HELZ: variants seen among roughly 807,000 people sequenced by gnomAD.
HELZ encodes helicase with zinc finger, also known as ATP-dependent RNA helicase with zinc finger domain.
HELZ carries 23 observed loss-of-function variants against 218.2 expected under a neutral mutation model. The ratio of observed to expected loss-of-function variants is 0.11; its 90% CI spans 0.08 to 0.15. HELZ has a LOEUF of 0.15. Among genes scored for constraint, HELZ ranks in the 10% least tolerant of loss-of-function variants. HELZ has a pLI of 1.00. For synonymous variants in HELZ, 814 were observed against 829.4 expected (o/e 0.98, Z 0.32); for missense variants, 1,813 against 2,353.7 (o/e 0.77, Z 4.75).
intron 27 of HELZ, chr17:67,120,090 G>C (rs535282041): frequency 2.9e-6 from 1 of 341,846 alleles, no homozygotes; most frequent in African/African-American, 2.6e-5. Flanking sequence ...TGCAAACTCC[G>C]CCTCCCAGGT....
intron 3 of HELZ, among the ~76,000 whole-genome samples, chr17:67,230,595 C>CAAA (rs376918246): frequency 0.062 from 6,891 of 111,136 alleles, 1,048 homozygotes; most frequent in African/African-American, 0.24. Context: ...GACTCCATCT[C>CAAA]AAAAAAAAAA....
At chr17:67,139,248 T>C (rs2038247222) in intron 21 of HELZ, among the ~76,000 whole-genome samples, 2 of 152,146 alleles carry the variant, frequency 1.3e-5, no homozygotes. Flanking sequence ...GTTATTATGA[T>C]ACAGCAGCAA....
At chr17:67,183,852 C>T (rs1170719132) in intron 12 of HELZ, among the ~76,000 whole-genome samples, 1 of 149,936 alleles carries the variant, frequency 6.7e-6, no homozygotes, top group African/African-American at 2.5e-5. Context: ...ATCTCCCCAA[C>T]AAGGGAAAAA....
chr17:67,203,252 C>T (rs2040214164), intron 6 of HELZ, 67 bp downstream of exon 6: 4 of 1,528,242 alleles, frequency 2.6e-6, no homozygotes, highest in African/African-American at 2.8e-5. Context: ...TTTTTCCCCA[C>T]AATATACCTA....
chr17:67,177,787 C>G (rs1362478549), intron 13 of HELZ, among the ~76,000 whole-genome samples: 1 of 152,006 alleles, frequency 6.6e-6, no homozygotes, highest in Non-Finnish European at 1.5e-5. Flanking sequence ...TAGATCATAA[C>G]TAATCTATAA....
chr17:67,191,985 C>A (rs1280577135), intron 9 of HELZ, among the ~76,000 whole-genome samples: 3 of 151,760 alleles, frequency 2.0e-5, no homozygotes, highest in Non-Finnish European at 4.4e-5. Flanking sequence ...AGGCGCATCA[C>A]CTGAGGTCGG....
chr17:67,077,052 G>C lies in HELZ; in HGVS notation c.*1200C>G, dbSNP rs2036036038. The stretch of plus-strand genomic sequence containing the variant: ...TTTAGATGGTAGAATATTTAAGATG[G>C]CTATTTAAATTTTATATTGTGTACA... On this transcript the variant is annotated 3_prime_UTR_variant, in exon 33 of 33. Coordinates refer to ENST00000358691, the MANE Select transcript of HELZ (RefSeq NM_014877.4). 6.6e-6 allele frequency: 1 copy of C among 152,028 alleles called. No individual in the cohort carries two copies. Among genetic ancestry groups the C allele is most frequent in the African/African-American group, 2.4e-5 (1 of 41,396 alleles). 9.4% of individuals were successfully genotyped at this position (152,028 alleles called of 1,614,324 possible). A position where few individuals can be genotyped will look rare whatever the true frequency, so the allele number is the denominator to read the frequency against.
intron 2 of HELZ, among the ~76,000 whole-genome samples, chr17:67,243,321 G>C (rs187457135): frequency 6.6e-6 from 1 of 152,230 alleles, no homozygotes; most frequent in Non-Finnish European, 1.5e-5. Flanking sequence ...AGGAGTGATT[G>C]ACCTGCCTAA....
chr17:67,226,247 G>C (rs2040886662), intron 3 of HELZ, among the ~76,000 whole-genome samples: 1 of 127,894 alleles, frequency 7.8e-6, no homozygotes, highest in African/African-American at 3.1e-5. Flanking sequence ...AACAGGGTGA[G>C]ACTCCATCTC....
intron 3 of HELZ, among the ~76,000 whole-genome samples, chr17:67,234,509 T>C (rs1007406204): frequency 3.3e-5 from 5 of 151,828 alleles, no homozygotes; most frequent in African/African-American, 1.2e-4. Context: ...CTCTCAGTTC[T>C]CTTCCCTACA....
At chr17:67,161,174 C>A (rs1399988956) in intron 15 of HELZ, 98 bp from the exon 16 acceptor site, 5 of 840,716 alleles carry the variant, frequency 5.9e-6, no homozygotes, top group Non-Finnish European at 5.4e-6. Flanking sequence ...ATTAAAACCA[C>A]TGAAATAGCA....
chr17:67,099,003 A>C (rs1452986646), intron 31 of HELZ, among the ~76,000 whole-genome samples: 1 of 152,180 alleles, frequency 6.6e-6, no homozygotes, highest in Non-Finnish European at 1.5e-5. Context: ...TTAGAAAAAC[A>C]TCTGTAGCCT....
At chr17:67,081,736 T>C (rs2036195576) in intron 32 of HELZ, among the ~76,000 whole-genome samples, 1 of 152,162 alleles carries the variant, frequency 6.6e-6, no homozygotes, top group African/African-American at 2.4e-5. Flanking sequence ...AAGTGTCCCA[T>C]TGGAACATAC....
intron 31 of HELZ, among the ~76,000 whole-genome samples, chr17:67,101,300 TAA>T (rs1167296609): frequency 6.6e-6 from 1 of 152,038 alleles, no homozygotes; most frequent in Non-Finnish European, 1.5e-5. Flanking sequence ...AAAGAGTTCA[TAA>T]AGTTATTTTA....
intron 32 of HELZ, among the ~76,000 whole-genome samples, chr17:67,081,939 A>C (rs1272535029): frequency 6.6e-6 from 1 of 151,436 alleles, no homozygotes; most frequent in Non-Finnish European, 1.5e-5. Flanking sequence ...TGATCAGAAG[A>C]CCAATTTACA....
At chr17:67,117,048 T>C (rs1048821063) in intron 27 of HELZ, among the ~76,000 whole-genome samples, 1 of 151,752 alleles carries the variant, frequency 6.6e-6, no homozygotes, top group African/African-American at 2.4e-5. Context: ...TAGAGATAGG[T>C]TTCACCATGT....
intron 31 of HELZ, among the ~76,000 whole-genome samples, chr17:67,094,502 C>T (rs1486842256): frequency 6.6e-6 from 1 of 152,028 alleles, no homozygotes; most frequent in Non-Finnish European, 1.5e-5. Context: ...TTCCAAACTA[C>T]TGCAATACAG....
chr17:67,114,407 A>C lies in HELZ; in HGVS notation c.3839-4T>G, dbSNP rs759365715. On this transcript the variant is annotated splice_region_variant and splice_polypyrimidine_tract_variant and intron_variant, in intron 27 of 32. Coordinates refer to ENST00000358691, the MANE Select transcript of HELZ (RefSeq NM_014877.4). ...GAATTATTTGTATCACTTTTACCTA[A>C]GAAAATATTTAAAAATCCTTATAAG... 5 of 1,556,094 alleles carry C rather than the reference A, an allele frequency of 3.2e-6. No homozygotes were observed. In the South Asian group the frequency reaches 4.5e-5, roughly 14 times the overall value.
Position 67,136,074 on chromosome 17 carries a change from A to T in HELZ, c.3078T>A (p.Gly1026=). ...LEDSTEDLDY[G]FLSNYKLLNT... is the part of the protein sequence containing the mutation. ...TGAGAAGCTTGTAGTTAGATAAAAAACCATAATCTAAGTCCTCTGTGGAAT... is the reference window on the plus strand; with the variant it reads ...TGAGAAGCTTGTAGTTAGATAAAAATCCATAATCTAAGTCCTCTGTGGAAT... The change falls in exon 23 of 33, where the codon GGT becomes GGA. Residue 1026 remains glycine, a synonymous_variant. Coordinates refer to ENST00000358691, the MANE Select transcript of HELZ (RefSeq NM_014877.4). 1.2e-6 allele frequency: 2 copies of T among 1,613,846 alleles called. No individual in the cohort carries two copies. Among genetic ancestry groups the T allele is most frequent in the African/African-American group, 1.3e-5 (1 of 75,036 alleles).
Sources: allele counts gnomAD v4.1 joint callset (sites outside exome capture counted in the v4.1 genomes callset), GRCh38; gene constraint gnomAD v4.1.1; transcripts MANE v1.5; gene names NCBI Gene and HGNC (gene_info 2026-07-23, HGNC 2026-07-21).